Variants in RTL9 observed in about 807,000 individuals in gnomAD.
RTL9 encodes the protein retrotransposon Gag like 9, also known as retrotransposon Gag-like protein 9.
In RTL9, 19 loss-of-function variants were observed where a neutral mutation model predicts 44.7. The observed-to-expected ratio is 0.42, with a 90% CI of 0.30 to 0.62. RTL9 has a LOEUF of 0.62. Among genes scored for constraint, RTL9 ranks in the 20% least tolerant of loss-of-function variants. The probability of loss-of-function intolerance (pLI) is 0.16; values close to 1 mark genes in which losing one functional copy is unlikely to be tolerated. For missense variants in RTL9, 1,105 were observed against 1,080.6 expected (o/e 1.02, Z -0.32); for synonymous variants, 407 against 398.9 (o/e 1.02, Z -0.24).
intron 1 of RTL9, among the ~76,000 whole-genome samples, chrX:110,361,346 A>G (rs992983371): frequency 4.5e-5 from 5 of 111,696 alleles, no homozygotes; most frequent in Admixed American, 3.8e-4. Flanking sequence ...TTATGTCACA[A>G]TGATCTGCTT....
At chrX:110,445,560 C>A (rs1449075896) in intron 2 of RTL9, among the ~76,000 whole-genome samples, 2 of 111,514 alleles carry the variant, frequency 1.8e-5, no homozygotes, top group Non-Finnish European at 3.8e-5. Context: ...CTAAAGTAGA[C>A]CAGGTATTTC....
At chrX:110,455,491 T>G in exon 2 of RTL9, 2 of 515,008 alleles carry the variant, frequency 3.9e-6, no homozygotes, top group Non-Finnish European at 6.2e-6. Context: ...GACCTTCTCT[T>G]TCACCCACAT....
chrX:110,451,436 G>A, exon 1 of RTL9: 1 of 1,211,840 alleles, frequency 8.3e-7, no homozygotes, highest in Non-Finnish European at 1.1e-6. Context: ...CACTGATAAT[G>A]TCAGCTGTAG....
At chrX:110,384,400 A>G (rs1335833180) in intron 1 of RTL9, among the ~76,000 whole-genome samples, 1 of 111,624 alleles carries the variant, frequency 9.0e-6, no homozygotes, top group African/African-American at 3.3e-5. Context: ...GAGGATGATA[A>G]TAAGAGTACC....
upstream of RTL9, among the ~76,000 whole-genome samples, chrX:110,446,393 G>T (rs958669200): frequency 9.0e-6 from 1 of 110,800 alleles, no homozygotes; most frequent in African/African-American, 3.3e-5. Flanking sequence ...AAGCTTGTCG[G>T]GGTAGAAAGA....
chrX:110,432,785 T>A (rs989062162), intron 1 of RTL9, among the ~76,000 whole-genome samples: 1 of 112,583 alleles, frequency 8.9e-6, no homozygotes, highest in Non-Finnish European at 1.9e-5. Context: ...GCTTCCTGAA[T>A]GTTTCCAAGT....
chrX:110,379,807 C>T (rs2068405844), intron 1 of RTL9, among the ~76,000 whole-genome samples: 1 of 112,118 alleles, frequency 8.9e-6, no homozygotes, highest in Non-Finnish European at 1.9e-5. Flanking sequence ...CATGGATGGC[C>T]TTTGAGTGGT....
intron 1 of RTL9, among the ~76,000 whole-genome samples, chrX:110,378,919 C>T (rs1174024036): frequency 3.6e-5 from 4 of 109,929 alleles, no homozygotes; most frequent in African/African-American, 6.6e-5. Flanking sequence ...GCTGGACACC[C>T]GTCCACCCCC....
chrX:110,438,526 T>A lies in RTL9; in HGVS notation c.-167-6627T>A, dbSNP rs968019132. On this transcript the variant is annotated intron_variant, in intron 1 of 3. Coordinates refer to the RTL9 transcript ENST00000465301. ...CAAGTATCATTTTCTCAGAGCTCCT[T>A]AGAAGGAGGAGAGCTAAGAAACTTC... Among the ~76,000 whole-genome samples the A allele has an allele frequency of 2.7e-5, 3 of 111,458 alleles. No homozygotes were observed. In the East Asian group the frequency reaches 8.5e-4, roughly 31 times the overall value.
At chrX:110,425,256 C>A (rs2148325424) in intron 1 of RTL9, among the ~76,000 whole-genome samples, 1 of 112,322 alleles carries the variant, frequency 8.9e-6, no homozygotes, top group East Asian at 2.8e-4. Flanking sequence ...GAAAGGCAAC[C>A]AAGGGAGTTA....
intron 1 of RTL9, among the ~76,000 whole-genome samples, chrX:110,454,945 G>T (rs1446046662): frequency 9.0e-6 from 1 of 111,696 alleles, no homozygotes; most frequent in Admixed American, 9.5e-5. Flanking sequence ...GATGGGCTCA[G>T]TTCCAATTCT....
chrX:110,370,569 A>G (rs980757185), intron 1 of RTL9, among the ~76,000 whole-genome samples: 1 of 112,359 alleles, frequency 8.9e-6, no homozygotes, highest in Non-Finnish European at 1.9e-5. Context: ...ATTCTAAGTC[A>G]TCCCTTTTCT....
chrX:110,451,977 C>A, exon 1 of RTL9: 1 of 1,211,948 alleles, frequency 8.3e-7, no homozygotes, highest in South Asian at 1.8e-5. Context: ...GTCCACAGAG[C>A]AAATGTCAGC....
chrX:110,418,901 C>T (rs1370886257), upstream of RTL9, among the ~76,000 whole-genome samples: 1 of 110,517 alleles, frequency 9.0e-6, no homozygotes, highest in Admixed American at 9.6e-5. Context: ...CTGAGCCCAC[C>T]CCCGCCCTTT....
chrX:110,430,497 G>A (rs756614177), intron 1 of RTL9, among the ~76,000 whole-genome samples: 5 of 111,865 alleles, frequency 4.5e-5, no homozygotes, highest in South Asian at 3.8e-4. Flanking sequence ...AGTGAATGGC[G>A]GAACACAGAT....
intron 1 of RTL9, among the ~76,000 whole-genome samples, chrX:110,382,473 T>C (rs747324218): frequency 9.0e-6 from 1 of 111,017 alleles, no homozygotes; most frequent in Admixed American, 9.6e-5. Context: ...GGGAGAACCA[T>C]GGATTTGAGG....
exon 1 of RTL9, chrX:110,451,092 C>T: frequency 8.3e-7 from 1 of 1,212,062 alleles, no homozygotes; most frequent in East Asian, 3.0e-5. Context: ...AATGGTAGCA[C>T]CAGATTCTGC....
chrX:110,392,272 G>GTT (rs377409601), intron 1 of RTL9, among the ~76,000 whole-genome samples: 150 of 84,983 alleles, frequency 1.8e-3, no homozygotes, highest in African/African-American at 2.8e-3. Context: ...TCTACCACAG[G>GTT]TTTTTTTTTT....
chrX:110,454,960 T>G (rs1054049067), intron 1 of RTL9, among the ~76,000 whole-genome samples: 1 of 111,822 alleles, frequency 8.9e-6, no homozygotes, highest in African/African-American at 3.3e-5. Context: ...AATTCTCCCC[T>G]TGTTCCAAGT....
Sources: gnomAD v4.1 joint callset for allele counts (sites outside exome capture counted in the v4.1 genomes callset) on GRCh38, gnomAD v4.1.1 for gene constraint, MANE v1.5 for transcripts, NCBI Gene and HGNC (gene_info 2026-07-23, HGNC 2026-07-21) for gene names.